The following MSRA variants were observed in gnomAD, a reference collection of about 807,000 sequenced individuals.
MSRA encodes the protein mitochondrial peptide methionine sulfoxide reductase.
Under a neutral mutation model 31.3 loss-of-function variants are expected in MSRA, and 54 were observed. The observed-to-expected ratio is 1.73, with a 90% CI of 1.39 to 2.17. The LOEUF (loss-of-function observed/expected upper bound fraction) is 2.17, where lower values mean the gene tolerates loss of function less well. Ranked by LOEUF, MSRA falls within the 30% of genes most tolerant of loss-of-function variation. The pLI is 0.00. For synonymous variants in MSRA, 169 were observed against 116.5 expected (o/e 1.45, Z -2.90); for missense variants, 507 against 300.9 (o/e 1.69, Z -5.07).
chr8:10,327,119 A>G (rs1193487645), intron 5 of MSRA, among the ~76,000 whole-genome samples: 1 of 152,204 alleles, frequency 6.6e-6, no homozygotes, highest in Admixed American at 6.5e-5. Flanking sequence ...TTTCCTTTGT[A>G]TATATTTTAC....
chr8:10,324,424 G>C lies in MSRA; in HGVS notation c.543+4435G>C, dbSNP rs114735581. Among the ~76,000 whole-genome samples, 1,323 of 152,202 alleles carry C rather than the reference G, an allele frequency of 8.7e-3. 12 individuals carry two copies. Among genetic ancestry groups the C allele is most frequent in the African/African-American group, 0.03 (1,250 of 41,524 alleles). On this transcript the variant is annotated intron_variant, in intron 5 of 5. Coordinates refer to ENST00000317173, the MANE Select transcript of MSRA (RefSeq NM_012331.5). The stretch of plus-strand genomic sequence containing the variant: ...CTATGGCTTATCCCAAGAGCGGGAC[G>C]GCCATGGAACATGGGACGGCCACGG...
chr8:10,340,220 C>T (rs1248292931), intron 5 of MSRA, among the ~76,000 whole-genome samples: 1 of 152,110 alleles, frequency 6.6e-6, no homozygotes, highest in Non-Finnish European at 1.5e-5. Flanking sequence ...AGCTTGGTGC[C>T]ATTCTCAGGT....
chr8:10,132,934 C>A (rs1022744879), intron 1 of MSRA, among the ~76,000 whole-genome samples: 15 of 152,174 alleles, frequency 9.9e-5, no homozygotes, highest in African/African-American at 3.6e-4. Context: ...GGCTAGCAGG[C>A]CAGAAGGTTC....
chr8:10,420,773 G>A (rs764585458), intron 5 of MSRA, among the ~76,000 whole-genome samples: 37 of 152,030 alleles, frequency 2.4e-4, no homozygotes, highest in Non-Finnish European at 4.7e-4. Flanking sequence ...TCAGAAAGAT[G>A]AAAAAGTTCT....
rs142530324 is a variant in MSRA at position 10,133,729 on chromosome 8, G to T, written c.143-74104G>T. 2.6e-5 allele frequency among the ~76,000 whole-genome samples: 4 copies of T among 152,346 alleles called. No individual in the cohort carries two copies. In the East Asian group the frequency reaches 7.7e-4, roughly 29 times the overall value. On this transcript the variant is annotated intron_variant, in intron 1 of 5. Coordinates refer to ENST00000317173, the MANE Select transcript of MSRA (RefSeq NM_012331.5). The stretch of plus-strand genomic sequence containing the variant: ...CAGGGGAAGTGCTCAGGAAATGGTA[G>T]TGACTGTTAAGACTGTGATACTTGG...
chr8:10,372,571 A>T (rs563244998), intron 5 of MSRA, among the ~76,000 whole-genome samples: 2 of 152,178 alleles, frequency 1.3e-5, no homozygotes, highest in Non-Finnish European at 2.9e-5. Context: ...TAACTATCCA[A>T]TTGAAATGAA....
chr8:10,390,110 G>A (rs1045480959), intron 5 of MSRA, among the ~76,000 whole-genome samples: 31 of 152,216 alleles, frequency 2.0e-4, no homozygotes, highest in Admixed American at 6.5e-4. Context: ...TTCCCCGTGA[G>A]ATCTGACATC....
intron 5 of MSRA, among the ~76,000 whole-genome samples, chr8:10,398,624 CA>C (rs1384569957): frequency 6.6e-6 from 1 of 152,214 alleles, no homozygotes; most frequent in Admixed American, 6.5e-5. Context: ...GCAATTCTAG[CA>C]CCAGCTGCTT....
At chr8:10,221,354 G>C (rs1003594003) in intron 2 of MSRA, among the ~76,000 whole-genome samples, 1 of 151,874 alleles carries the variant, frequency 6.6e-6, no homozygotes, top group African/African-American at 2.4e-5. Flanking sequence ...TGAAGAGGCT[G>C]TTAAACACTT....
intron 1 of MSRA, among the ~76,000 whole-genome samples, chr8:10,126,749 A>C (rs1464557665): frequency 6.6e-6 from 1 of 152,156 alleles, no homozygotes; most frequent in Non-Finnish European, 1.5e-5. Context: ...CCTGAGCTCA[A>C]GTGATCCACT....
intron 1 of MSRA, among the ~76,000 whole-genome samples, chr8:10,116,509 C>G (rs1800689059): frequency 6.6e-6 from 1 of 152,176 alleles, no homozygotes; most frequent in Admixed American, 6.5e-5. Context: ...AGAGGTGGTC[C>G]TTGCCCTTGA....
chr8:10,069,594 CAG>C (rs1797633581), intron 1 of MSRA, among the ~76,000 whole-genome samples: 1 of 152,210 alleles, frequency 6.6e-6, no homozygotes, highest in Non-Finnish European at 1.5e-5. Flanking sequence ...ATTGGAGAAA[CAG>C]TGTGTCCTCA....
rs550628823 is a variant in MSRA, at chr8:10,194,399, C to G, written c.143-13434C>G. 6.6e-5 allele frequency among the ~76,000 whole-genome samples: 10 copies of G among 152,290 alleles called. No individual in the cohort carries two copies. In the East Asian group the frequency reaches 1.7e-3, roughly 26 times the overall value. ...CTGTTCAACATGGTGAAACCTGTCT[C>G]TACTAAAAGTACAAAAACTAGCCAG... On this transcript the variant is annotated intron_variant, in intron 1 of 5. Coordinates refer to ENST00000317173, the MANE Select transcript of MSRA (RefSeq NM_012331.5).
At chr8:10,134,763 C>G (rs1452619896) in intron 1 of MSRA, among the ~76,000 whole-genome samples, 2 of 152,244 alleles carry the variant, frequency 1.3e-5, no homozygotes, top group African/African-American at 4.8e-5. Context: ...AACAGAGCAA[C>G]TAGACCAAAC....
intron 2 of MSRA, among the ~76,000 whole-genome samples, chr8:10,226,276 C>A (rs144020418): frequency 6.6e-6 from 1 of 152,206 alleles, no homozygotes; most frequent in East Asian, 1.9e-4. Context: ...CACTAATAGC[C>A]CTCCCAGCTC....
chr8:10,240,329 G>T (rs1048983653), intron 2 of MSRA, among the ~76,000 whole-genome samples: 3 of 152,144 alleles, frequency 2.0e-5, no homozygotes, highest in African/African-American at 7.2e-5. Flanking sequence ...CTTGGTGAGC[G>T]GGTGTGCATG....
Position 10,071,101 on chromosome 8 carries a change from A to T in MSRA, c.142+16443A>T, listed in dbSNP as rs1161550562. On this transcript the variant is annotated intron_variant, in intron 1 of 5. Coordinates refer to ENST00000317173, the MANE Select transcript of MSRA (RefSeq NM_012331.5). ...GCCAAACTGTTTCCCAGAGTTCTTC[A>T]GTTTGATATTCCCACCAGCAACATA... Among the ~76,000 whole-genome samples the T allele has an allele frequency of 2.0e-5, 3 of 152,164 alleles. No homozygotes were observed. In the South Asian group the frequency reaches 6.2e-4, roughly 32 times the overall value.
chr8:10,288,500 G>A (rs574288800), intron 3 of MSRA, among the ~76,000 whole-genome samples: 2 of 152,138 alleles, frequency 1.3e-5, no homozygotes, highest in African/African-American at 4.8e-5. Flanking sequence ...GTTGCTTGTT[G>A]TGTTGGCATG....
chr8:10,248,071 TAAGAG>T (rs1482577906), intron 3 of MSRA, among the ~76,000 whole-genome samples: 2 of 152,062 alleles, frequency 1.3e-5, no homozygotes, highest in Non-Finnish European at 2.9e-5. Flanking sequence ...TGGTCTGACT[TAAGAG>T]AAGGAAAATA....
Sources: gnomAD v4.1 joint callset for allele counts (sites outside exome capture counted in the v4.1 genomes callset) on GRCh38, gnomAD v4.1.1 for gene constraint, MANE v1.5 for transcripts, NCBI Gene and HGNC (gene_info 2026-07-23, HGNC 2026-07-21) for gene names.